Variants in EPB41 observed in about 807,000 individuals in gnomAD.
EPB41 encodes protein 4.1.
EPB41 carries 65 observed loss-of-function variants against 108.0 expected under a neutral mutation model. The ratio of observed to expected loss-of-function variants is 0.60; its 90% CI spans 0.49 to 0.74. The LOEUF is 0.74. Among genes scored for constraint, EPB41 ranks in the 30% least tolerant of loss-of-function variants. The pLI is 0.00. For missense variants in EPB41, 875 were observed against 1,037.0 expected (o/e 0.84, Z 2.15); for synonymous variants, 336 against 358.9 (o/e 0.94, Z 0.72).
chr1:29,097,130 A>G (rs1663487698), intron 16 of EPB41: 1 of 154,400 alleles, frequency 6.5e-6, no homozygotes. Flanking sequence ...ACTTAACCTT[A>G]TTACAATCAA....
intron 11 of EPB41, among the ~76,000 whole-genome samples, chr1:29,048,814 A>T (rs1643989364): frequency 6.6e-6 from 1 of 152,210 alleles, no homozygotes; most frequent in South Asian, 2.1e-4. Flanking sequence ...TGAAGTGCAT[A>T]TAAACTGAAT....
At chr1:28,934,959 A>G (rs1483724376) in intron 1 of EPB41, among the ~76,000 whole-genome samples, 1 of 151,838 alleles carries the variant, frequency 6.6e-6, no homozygotes, top group Non-Finnish European at 1.5e-5. Flanking sequence ...ACAAAAAATG[A>G]ACAGAACTAG....
intron 17 of EPB41, among the ~76,000 whole-genome samples, chr1:29,102,399 ACT>A (rs1351062184): frequency 1.3e-5 from 2 of 152,030 alleles, no homozygotes; most frequent in African/African-American, 2.4e-5. Flanking sequence ...ATATCAATAC[ACT>A]CTCTCTGAAT....
chr1:28,982,264 C>G, intron 1 of EPB41: 2 of 496,888 alleles, frequency 4.0e-6, no homozygotes, highest in South Asian at 3.4e-5. Flanking sequence ...TTTTTAATGA[C>G]CAAAACAAAG....
intron 5 of EPB41, 101 bp from the exon 6 acceptor site, chr1:29,015,586 AAAAAG>A: frequency 1.2e-6 from 1 of 810,608 alleles, no homozygotes; most frequent in South Asian, 1.6e-5. Flanking sequence ...AAGAAAAAAA[AAAAAG>A]AAAGAAAAAG....
chr1:28,887,679 C>T lies in EPB41; in HGVS notation c.-8+469C>T, dbSNP rs1377032132. On this transcript the variant is annotated intron_variant, in intron 1 of 16. Coordinates refer to the EPB41 transcript ENST00000347529. This position sits in a 1 kb window ranked among gnomAD's most constrained non-coding sequence, Gnocchi z 4.9. ...GGGGGCTCCGGGGCCTGGAGCCCCG[C>T]GCCCCGCTCCGGCCCTTACGTAACT... is the stretch of plus-strand genomic sequence containing the variant. 2.0e-6 allele frequency: 2 copies of T among 985,024 alleles called. No homozygotes were observed. The highest frequency in any genetic ancestry group is 4.7e-5 in the South Asian group (1 of 21,296). 61.0% of individuals were successfully genotyped at this position (985,024 alleles called of 1,614,324 possible).
At chr1:29,103,728 C>T (rs1248501522) in intron 17 of EPB41, among the ~76,000 whole-genome samples, 2 of 151,998 alleles carry the variant, frequency 1.3e-5, no homozygotes, top group African/African-American at 2.4e-5. Context: ...AGTGCAGTGG[C>T]GCGATCTCGG....
At chr1:28,921,515 G>C (rs950183439) in intron 1 of EPB41, among the ~76,000 whole-genome samples, 2 of 151,906 alleles carry the variant, frequency 1.3e-5, no homozygotes, top group Non-Finnish European at 2.9e-5. Context: ...TACCATTTCA[G>C]CATGCGATAG....
chr1:29,089,186 A>G (rs539224439), intron 16 of EPB41, among the ~76,000 whole-genome samples: 268 of 152,326 alleles, frequency 1.8e-3, no homozygotes, highest in African/African-American at 6.3e-3. Context: ...CACATGGTAA[A>G]CATACAAAAA....
chr1:29,111,893 C>T (rs1241023116), intron 18 of EPB41, among the ~76,000 whole-genome samples: 1 of 149,076 alleles, frequency 6.7e-6, no homozygotes, highest in Non-Finnish European at 1.5e-5. Flanking sequence ...AGGAGAATTG[C>T]TTGAACCCGG....
At chr1:28,914,392 G>A (rs1043588991), upstream of EPB41, among the ~76,000 whole-genome samples, 1 of 152,328 alleles carries the variant, frequency 6.6e-6, no homozygotes, top group Non-Finnish European at 1.5e-5. Context: ...CCTAGGGGAG[G>A]GGGGAAACAA....
At chr1:28,995,696 A>G (rs1381920138) in intron 3 of EPB41, among the ~76,000 whole-genome samples, 2 of 152,380 alleles carry the variant, frequency 1.3e-5, no homozygotes, top group East Asian at 1.9e-4. Flanking sequence ...TAGTATTTCT[A>G]TGGTAAAAGA....
chr1:29,068,593 T>G (rs975585507), intron 16 of EPB41: 4 of 460,232 alleles, frequency 8.7e-6, no homozygotes, highest in African/African-American at 8.0e-5. Flanking sequence ...TATTGGGTAA[T>G]TCTACTTTCT....
chr1:28,996,033 A>T (rs2096165916), intron 3 of EPB41, among the ~76,000 whole-genome samples: 1 of 152,246 alleles, frequency 6.6e-6, no homozygotes, highest in South Asian at 2.1e-4. Flanking sequence ...GTATTTTCAT[A>T]TATATTTCTC....
In EPB41 at chr1:29,018,267, C is replaced by T. The variant is rs1045898158; in HGVS notation, c.949C>T (p.Arg317Cys). The T allele has an allele frequency of 2.5e-6, 4 of 1,614,098 alleles. No homozygotes were observed. The highest frequency in any genetic ancestry group is 3.4e-6 in the Non-Finnish European group (4 of 1,180,020). Residue 317 changes from arginine (R) to cysteine (C), a missense_variant, in exon 7 of 21, where the codon CGT becomes TGT. Transcript: ENST00000343067. This position sits in a 1 kb window ranked among gnomAD's most constrained non-coding sequence, Gnocchi z 4.4. ...LQLRQDIVAGRLPCSFATLAL... is the reference protein window; with the variant it reads ...LQLRQDIVAGCLPCSFATLAL... ...GCTTCGGCAGGACATAGTTGCAGGA[C>T]GTCTGCCCTGTTCCTTTGCAACCTT...
In EPB41 at chr1:28,949,277, C is replaced by T. The variant is rs12082254; in HGVS notation, c.-8+34509C>T. On this transcript the variant is annotated intron_variant, in intron 1 of 20. Coordinates refer to ENST00000343067, the MANE Select transcript of EPB41 (RefSeq NM_001376013.1). ...TGGGCAATATAGTGAGATCACATCT[C>T]CACAAAAAATTTTAAAAATTAGCTA... Among the ~76,000 whole-genome samples, 344 of 152,222 alleles carry T rather than the reference C, an allele frequency of 2.3e-3. 4 individuals are homozygous for T. The highest frequency in any genetic ancestry group is 7.9e-3 in the African/African-American group (330 of 41,542).
intron 1 of EPB41, among the ~76,000 whole-genome samples, chr1:28,983,609 G>A (rs1218841629): frequency 3.3e-5 from 5 of 152,156 alleles, no homozygotes; most frequent in African/African-American, 9.7e-5. Flanking sequence ...GGGAAGGAGC[G>A]TGCGAGTGAA....
intron 7 of EPB41, among the ~76,000 whole-genome samples, chr1:29,023,322 A>G (rs1158653238): frequency 6.6e-6 from 1 of 151,922 alleles, no homozygotes; most frequent in Non-Finnish European, 1.5e-5. Flanking sequence ...TAGAAATTTA[A>G]TAAACATTTT....
rs74726107 is a variant in EPB41 at position 29,060,750 on chromosome 1, T to A, written c.2007+266T>A. ...TCTACCTCTCATGGTTCCATTGTTT[T>A]ACCCACCTTTAGAAAATTCTACACC... On this transcript the variant is annotated intron_variant, in intron 15 of 20. Transcript: ENST00000343067. Among the ~76,000 whole-genome samples, 1,521 of 152,312 alleles carry A rather than the reference T, an allele frequency of 1.0e-2. 24 individuals carry two copies. The highest frequency in any genetic ancestry group is 0.034 in the African/African-American group (1,395 of 41,564).
Sources: gnomAD v4.1 joint callset for allele counts (sites outside exome capture counted in the v4.1 genomes callset) on GRCh38, gnomAD v4.1.1 for gene constraint, Gnocchi (gnomAD v3.1) non-coding constraint, MANE v1.5 for transcripts, NCBI Gene and HGNC (gene_info 2026-07-23, HGNC 2026-07-21) for gene names.